The following RPF2 variants were observed in gnomAD, a reference collection of about 807,000 sequenced individuals.
The protein encoded by RPF2 is ribosome production factor 2 homolog.
Under a neutral mutation model 38.9 loss-of-function variants are expected in RPF2, and 21 were observed. The observed-to-expected ratio is 0.54, with a 90% CI of 0.38 to 0.78. The LOEUF is 0.78. Among genes scored for constraint, RPF2 ranks in the 30% least tolerant of loss-of-function variants. The pLI is 0.00. For missense variants in RPF2, 314 were observed against 358.1 expected, an observed-to-expected ratio of 0.88 and a Z score of 0.99; for synonymous variants, 121 against 126.2, an observed-to-expected ratio of 0.96 and a Z score of 0.28.
intron 4 of RPF2, among the ~76,000 whole-genome samples, chr6:110,992,882 G>C (rs12195747): frequency 0.091 from 13,791 of 152,118 alleles, 698 homozygotes; most frequent in Middle Eastern, 0.13. Flanking sequence ...TTCGAGACCA[G>C]CTTGGAAAAC....
intron 6 of RPF2, among the ~76,000 whole-genome samples, chr6:111,005,992 G>C (rs1051982530): frequency 3.9e-5 from 6 of 152,060 alleles, no homozygotes; most frequent in African/African-American, 1.4e-4. Context: ...TTTTAGTAGA[G>C]ACAGGGTTTT....
intron 6 of RPF2, 68 bp from the exon 7 acceptor site, chr6:111,007,970 A>C: frequency 6.9e-7 from 1 of 1,443,380 alleles, no homozygotes; most frequent in Non-Finnish European, 9.2e-7. Context: ...AAAAATAAAA[A>C]ACAAAATCAA....
chr6:111,019,715 A>G (rs1232524025), intron 8 of RPF2, among the ~76,000 whole-genome samples: 2 of 152,172 alleles, frequency 1.3e-5, no homozygotes, highest in Non-Finnish European at 2.9e-5. Flanking sequence ...ACAAGAGTGA[A>G]ACTCCATCTC....
intron 8 of RPF2, among the ~76,000 whole-genome samples, chr6:111,021,246 T>C (rs760036826): frequency 6.6e-6 from 1 of 152,178 alleles, no homozygotes; most frequent in Non-Finnish European, 1.5e-5. Flanking sequence ...ATCTGATTGC[T>C]AGAATCACCT....
At position 111,008,148 on chromosome 6, in the gene RPF2, T is replaced by C; in HGVS notation, c.493+11T>C. 1 of 1,590,338 alleles carries C rather than the reference T, an allele frequency of 6.3e-7. No homozygotes were observed. The highest frequency in any genetic ancestry group is 1.8e-5 in the Admixed American group (1 of 56,604). On this transcript the variant is annotated intron_variant, in intron 7 of 9. Coordinates refer to ENST00000441448, the MANE Select transcript of RPF2 (RefSeq NM_032194.3). Reference sequence around the variant, plus strand: ...AAAGTCTTCTTATTGGTAAGTATTTTAGTATTTATTATCTTCAGGGTAGCT... The same window carrying C: ...AAAGTCTTCTTATTGGTAAGTATTTCAGTATTTATTATCTTCAGGGTAGCT...
chr6:110,995,878 G>A (rs75536877), intron 4 of RPF2, among the ~76,000 whole-genome samples: 1,729 of 151,936 alleles, frequency 0.011, 32 homozygotes, highest in African/African-American at 0.039. Flanking sequence ...ATGCCATCAC[G>A]GCTCACTGCA....
intron 5 of RPF2, among the ~76,000 whole-genome samples, chr6:110,997,932 G>T (rs1313056290): frequency 2.0e-5 from 3 of 148,914 alleles, no homozygotes; most frequent in Non-Finnish European, 3.0e-5. Context: ...CGGAGTCTTG[G>T]TCTGCTCCAT....
At chr6:111,024,845 A>G (rs899060809) in intron 9 of RPF2, among the ~76,000 whole-genome samples, 1 of 152,224 alleles carries the variant, frequency 6.6e-6, no homozygotes, top group Non-Finnish European at 1.5e-5. Flanking sequence ...CAAAACCCAG[A>G]CATGAGGTTT....
intron 7 of RPF2, among the ~76,000 whole-genome samples, chr6:111,010,711 T>C (rs892824872): frequency 1.3e-5 from 2 of 152,224 alleles, no homozygotes; most frequent in Admixed American, 1.3e-4. Flanking sequence ...TAGATCACTT[T>C]TGAAAAATTG....
chr6:111,010,887 G>A (rs1352099240), intron 7 of RPF2, among the ~76,000 whole-genome samples: 1 of 151,830 alleles, frequency 6.6e-6, no homozygotes, highest in Non-Finnish European at 1.5e-5. Flanking sequence ...CCCATTCTTG[G>A]GATTATAATT....
rs575456788 is a variant in RPF2 at position 110,982,791 on chromosome 6, GAC to G, written c.23+664_23+665del. 9.8e-5 allele frequency among the ~76,000 whole-genome samples: 15 copies of G among 152,288 alleles called. No individual in the cohort carries two copies. The South Asian group carries it at 2.9e-3, about 29-fold the overall frequency. The stretch of plus-strand genomic sequence containing the variant: ...ACCTAAGTTAACATGTATCCAAAAC[GAC>G]AGTTTTAGTCATTCAGAGATTTTGC... On this transcript the variant is annotated intron_variant, in intron 1 of 9. Transcript: ENST00000441448.
rs1397812113 is a variant in RPF2 at position 111,016,683 on chromosome 6, C to CT, written c.596+830dup. On this transcript the variant is annotated intron_variant, in intron 8 of 9. Transcript: ENST00000441448. ...GTAATTGTGGTTCTTTTTTTTTTTT[C>CT]TTTCTTTTTTTTTTTTTTAATTGAT... Among the ~76,000 whole-genome samples, 64 of 105,922 alleles carry CT rather than the reference C, an allele frequency of 6.0e-4. 2 individuals carry two copies. Among genetic ancestry groups the CT allele is most frequent in the South Asian group, 3.9e-3 (13 of 3,322 alleles). The allele number at this position is 105,922 out of a possible 152,430, so 69.5% of individuals were successfully genotyped here.
chr6:111,013,744 T>G (rs1772058412), intron 7 of RPF2, among the ~76,000 whole-genome samples: 1 of 152,212 alleles, frequency 6.6e-6, no homozygotes, highest in Non-Finnish European at 1.5e-5. Flanking sequence ...TTTATTAACT[T>G]GGCCACTGAA....
chr6:111,008,571 C>T (rs1364933227), intron 7 of RPF2, among the ~76,000 whole-genome samples: 1 of 152,046 alleles, frequency 6.6e-6, no homozygotes, highest in Non-Finnish European at 1.5e-5. Flanking sequence ...CCTGTCATTC[C>T]TAGCATCATT....
chr6:111,007,779 TAAGAAA>T (rs1233143356), intron 6 of RPF2, among the ~76,000 whole-genome samples: 1 of 151,004 alleles, frequency 6.6e-6, no homozygotes, highest in Non-Finnish European at 1.5e-5. Flanking sequence ...ACCCAGTCTG[TAAGAAA>T]AATACAAAAA....
chr6:110,985,017 C>T lies in RPF2; in HGVS notation c.35C>T (p.Thr12Met), dbSNP rs374601209. 1.4e-5 allele frequency: 23 copies of T among 1,608,282 alleles called. No homozygotes were observed. Among genetic ancestry groups the T allele is most frequent in the East Asian group, 1.3e-4 (6 of 44,744 alleles). The change falls in exon 2 of 10, where the codon ACG becomes ATG. Residue 12 changes from threonine to methionine, a missense_variant. Transcript: ENST00000441448. Reference sequence around the variant, plus strand: ...GCTTTTCTGAACAGAAAGCCCAAAACGAAAAGAGCCAAGAGATTCCTTGAG... The same window carrying T: ...GCTTTTCTGAACAGAAAGCCCAAAATGAAAAGAGCCAAGAGATTCCTTGAG... The part of the protein sequence containing the change: ...DTLDRVVKPK[T>M]KRAKRFLEKR...
intron 5 of RPF2, among the ~76,000 whole-genome samples, chr6:110,999,468 T>C (rs1771775942): frequency 1.3e-5 from 2 of 152,166 alleles, no homozygotes; most frequent in South Asian, 2.1e-4. Context: ...TTCTGTAGGC[T>C]GTCATTTATT....
chr6:111,007,845 G>A (rs995316786), intron 6 of RPF2, among the ~76,000 whole-genome samples, 193 bp from the exon 7 acceptor site: 1 of 152,108 alleles, frequency 6.6e-6, no homozygotes, highest in Non-Finnish European at 1.5e-5. Context: ...TACTTAGGAG[G>A]TTGAGGCAGG....
At chr6:110,994,008 G>A (rs1333571064) in intron 4 of RPF2, among the ~76,000 whole-genome samples, 1 of 152,196 alleles carries the variant, frequency 6.6e-6, no homozygotes, top group East Asian at 1.9e-4. Context: ...TGGGCATGGT[G>A]GCTCATGCCT....
Sources: allele counts gnomAD v4.1 joint callset (sites outside exome capture counted in the v4.1 genomes callset), GRCh38; gene constraint gnomAD v4.1.1; transcripts MANE v1.5; gene names NCBI Gene and HGNC (gene_info 2026-07-23, HGNC 2026-07-21).